Variants in EYA2 observed in about 807,000 individuals in gnomAD.
EYA2 encodes the protein EYA transcriptional coactivator and phosphatase 2.
EYA2 carries 31 observed loss-of-function variants against 69.2 expected under a neutral mutation model. The observed-to-expected ratio is 0.45, with a 90% CI of 0.34 to 0.60. EYA2 has a LOEUF of 0.60. Among genes scored for constraint, EYA2 ranks in the 20% least tolerant of loss-of-function variants. EYA2 has a pLI of 0.02. For missense variants in EYA2, 622 were observed against 701.2 expected (o/e 0.89, Z 1.28); for synonymous variants, 257 against 279.4 (o/e 0.92, Z 0.80).
chr20:47,047,579 G>T (rs545828431), intron 5 of EYA2, among the ~76,000 whole-genome samples: 1 of 152,214 alleles, frequency 6.6e-6, no homozygotes, highest in East Asian at 1.9e-4. Flanking sequence ...TAGAGACGGG[G>T]TTTCACCATG....
In EYA2 at chr20:46,895,793, C is replaced by T. The variant is rs140355438; in HGVS notation, c.-11+806C>T. On this transcript the variant is annotated intron_variant, in intron 1 of 15. Coordinates refer to ENST00000327619, the MANE Select transcript of EYA2 (RefSeq NM_005244.5). The stretch of plus-strand genomic sequence containing the variant: ...AAATAGTTTATAAGCTCAAGGAATA[C>T]TAGGAAAGCGTGACTGGTGAACGTA... 8.3e-4 allele frequency among the ~76,000 whole-genome samples: 126 copies of T among 152,296 alleles called. 1 individual carries two copies. The highest frequency in any genetic ancestry group is 2.6e-3 in the African/African-American group (107 of 41,556).
chr20:47,057,146 G>GAAGGAAGA (rs2030665987), intron 5 of EYA2, among the ~76,000 whole-genome samples: 1 of 111,142 alleles, frequency 9.0e-6, no homozygotes, highest in East Asian at 2.3e-4. Context: ...AGGGAGGAAG[G>GAAGGAAGA]AAGGAAGGAA....
intron 1 of EYA2, among the ~76,000 whole-genome samples, chr20:46,961,582 A>G (rs1600584639): frequency 6.6e-6 from 1 of 152,216 alleles, no homozygotes; most frequent in South Asian, 2.1e-4. Flanking sequence ...GTTCATTGCA[A>G]CGCTATTCAC....
At chr20:47,025,081 A>G (rs889098584) in intron 5 of EYA2, among the ~76,000 whole-genome samples, 2 of 152,232 alleles carry the variant, frequency 1.3e-5, no homozygotes, top group African/African-American at 2.4e-5. Flanking sequence ...CCTTGTTTCC[A>G]TAATTCAGCA....
chr20:47,163,478 C>T (rs1238853148), intron 10 of EYA2, among the ~76,000 whole-genome samples: 1 of 152,002 alleles, frequency 6.6e-6, no homozygotes, highest in Admixed American at 6.6e-5. Flanking sequence ...GCAGGGGGGT[C>T]ATCTGAGGTC....
chr20:46,996,835 A>G (rs558853032), intron 2 of EYA2, among the ~76,000 whole-genome samples: 118 of 152,214 alleles, frequency 7.8e-4, no homozygotes, highest in East Asian at 2.3e-3. Flanking sequence ...GGAAGCAGGC[A>G]CATTTTCCAT....
At chr20:47,092,573 A>G (rs1038724432) in intron 8 of EYA2, among the ~76,000 whole-genome samples, 1 of 152,176 alleles carries the variant, frequency 6.6e-6, no homozygotes. Context: ...AAAATTATTC[A>G]GTCACCTAAC....
chr20:46,918,152 C>G (rs1985001137), intron 1 of EYA2, among the ~76,000 whole-genome samples: 1 of 151,978 alleles, frequency 6.6e-6, no homozygotes, highest in Non-Finnish European at 1.5e-5. Flanking sequence ...ATCCCCATCT[C>G]TACTAAAAAA....
At chr20:47,047,460 C>T (rs746895593) in intron 5 of EYA2, among the ~76,000 whole-genome samples, 2 of 151,910 alleles carry the variant, frequency 1.3e-5, no homozygotes, top group Non-Finnish European at 2.9e-5. Context: ...GATCTCAGCT[C>T]ACTGCAACCT....
chr20:47,169,191 A>G lies in EYA2; in HGVS notation c.1031A>G (p.Asp344Gly). ...DDVSSDDNGQ[D>G]LSTYNFSADG... ...GTCTCATCAGATGACAATGGCCAAG[A>G]TTTAAGGTGGGAATTTGGGGAGTCA... The change falls in exon 11 of 16, where the codon GAT (aspartate) becomes GGT (glycine). Residue 344 changes from aspartate (D) to glycine (G), a missense_variant. By Grantham distance (94) the Asp-to-Gly change is moderately conservative. Transcript: ENST00000327619. 3 of 1,614,024 alleles carry G rather than the reference A, an allele frequency of 1.9e-6. No homozygotes were observed. The highest frequency in any genetic ancestry group is 2.5e-6 in the Non-Finnish European group (3 of 1,179,946).
chr20:46,965,602 G>T (rs1404245132), intron 1 of EYA2, among the ~76,000 whole-genome samples: 2 of 152,236 alleles, frequency 1.3e-5, no homozygotes, highest in Admixed American at 6.5e-5. Context: ...CTTCTTCCCA[G>T]CGTGCAGAAC....
chr20:46,895,782 C>G (rs903358457), intron 1 of EYA2, among the ~76,000 whole-genome samples: 13 of 152,134 alleles, frequency 8.5e-5, no homozygotes, highest in African/African-American at 3.1e-4. Context: ...AGTTTATAAG[C>G]TCAAGGAATA....
intron 5 of EYA2, among the ~76,000 whole-genome samples, chr20:47,064,804 C>G (rs1012762947): frequency 1.3e-5 from 2 of 152,162 alleles, no homozygotes; most frequent in Non-Finnish European, 2.9e-5. Context: ...TAGACAGCAG[C>G]GTCACATAAG....
chr20:46,992,045 A>G (rs1441212022), intron 2 of EYA2, among the ~76,000 whole-genome samples: 1 of 145,388 alleles, frequency 6.9e-6, no homozygotes, highest in Admixed American at 6.9e-5. Flanking sequence ...CACCAGTAGG[A>G]GCTGAGAGGC....
At chr20:47,075,418 T>C (rs551028414) in intron 7 of EYA2, among the ~76,000 whole-genome samples, 2 of 152,274 alleles carry the variant, frequency 1.3e-5, no homozygotes, top group South Asian at 2.1e-4. Context: ...ATGAGAGTGA[T>C]AAGGAGCTTG....
intron 8 of EYA2, among the ~76,000 whole-genome samples, chr20:47,092,326 T>C (rs1049753169): frequency 2.6e-5 from 4 of 152,198 alleles, no homozygotes; most frequent in African/African-American, 9.6e-5. Context: ...GTCCAGGGAA[T>C]TCTGTCCTTG....
intron 10 of EYA2, chr20:47,161,519 C>A: frequency 2.3e-6 from 1 of 428,120 alleles, no homozygotes; most frequent in South Asian, 1.8e-5. Context: ...TGTCCTTGAC[C>A]AGGTGGCCCA....
chr20:46,902,387 T>C (rs1051617988), intron 1 of EYA2, among the ~76,000 whole-genome samples: 2 of 152,240 alleles, frequency 1.3e-5, no homozygotes, highest in African/African-American at 4.8e-5. Context: ...GGAAATACTT[T>C]ATATGTTTTG....
At chr20:47,022,147 A>G (rs1983790796) in intron 5 of EYA2, among the ~76,000 whole-genome samples, 1 of 152,040 alleles carries the variant, frequency 6.6e-6, no homozygotes, top group Non-Finnish European at 1.5e-5. Context: ...TCAGGAGGCA[A>G]TTTTCCCAGG....
Sources: allele counts gnomAD v4.1 joint callset (sites outside exome capture counted in the v4.1 genomes callset), GRCh38; gene constraint gnomAD v4.1.1; transcripts MANE v1.5; gene names NCBI Gene and HGNC (gene_info 2026-07-23, HGNC 2026-07-21).